Variants in JUP observed in about 807,000 individuals in gnomAD.
The protein encoded by JUP is junction plakoglobin.
JUP carries 28 observed loss-of-function variants against 71.1 expected under a neutral mutation model. The ratio of observed to expected loss-of-function variants is 0.39; its 90% CI spans 0.29 to 0.54. JUP has a LOEUF of 0.54. Ranked by LOEUF, JUP falls within the 20% of genes least tolerant of loss-of-function variation. The pLI, the probability that JUP is intolerant of heterozygous loss-of-function variation, is 0.62. For missense variants in JUP, 869 were observed against 1,030.1 expected, an observed-to-expected ratio of 0.84 and a Z score of 2.14; for synonymous variants, 401 against 438.9, an observed-to-expected ratio of 0.91 and a Z score of 1.08.
chr17:41,784,156 A>G (rs1330781757), intron 1 of JUP, among the ~76,000 whole-genome samples: 1 of 151,878 alleles, frequency 6.6e-6, no homozygotes, highest in Non-Finnish European at 1.5e-5. Context: ...TAGTCAATTG[A>G]CCCATCTCAC....
chr17:41,771,906 GCCCAGCC>G, intron 1 of JUP, 44 bp from the exon 2 acceptor site: 1 of 1,507,462 alleles, frequency 6.6e-7, no homozygotes, highest in South Asian at 1.2e-5. Flanking sequence ...AAGTCACCTG[GCCCAGCC>G]CCCAGCTTCA....
At chr17:41,779,025 T>A in intron 1 of JUP, among the ~76,000 whole-genome samples, 1 of 151,522 alleles carries the variant, frequency 6.6e-6, no homozygotes, top group Non-Finnish European at 1.5e-5. Flanking sequence ...TCACAAGGTC[T>A]GGAGTTTGAA....
intron 1 of JUP, chr17:41,772,270 C>T (rs1597837063): frequency 3.1e-6 from 1 of 326,260 alleles, no homozygotes; most frequent in Non-Finnish European, 6.0e-6. Flanking sequence ...GTCCCCTGGG[C>T]CCACCCTCAA....
intron 9 of JUP, 95 bp downstream of exon 9, chr17:41,758,620 A>G: frequency 6.4e-7 from 1 of 1,571,502 alleles, no homozygotes; most frequent in Non-Finnish European, 8.7e-7. Context: ...TGGAATTGGC[A>G]TCAGTTGCAA....
chr17:41,763,962 T>C (rs1246705480), intron 7 of JUP, among the ~76,000 whole-genome samples: 3 of 152,180 alleles, frequency 2.0e-5, no homozygotes, highest in East Asian at 1.9e-4. Flanking sequence ...CCTGTGACCA[T>C]GGCCATTAGC....
At chr17:41,773,440 C>T (rs1018793887) in intron 1 of JUP, among the ~76,000 whole-genome samples, 1 of 152,218 alleles carries the variant, frequency 6.6e-6, no homozygotes, top group Non-Finnish European at 1.5e-5. Flanking sequence ...CCTCTCCTCC[C>T]GCAATCCCTA....
intron 9 of JUP, 34 bp downstream of exon 9, chr17:41,758,681 G>A (rs1555599650): frequency 1.3e-6 from 2 of 1,595,880 alleles, no homozygotes; most frequent in East Asian, 2.3e-5. Context: ...TGACCCCCCA[G>A]GAAGGCTGTC....
chr17:41,771,539 C>A, intron 2 of JUP, 108 bp downstream of exon 2: 2 of 1,014,992 alleles, frequency 2.0e-6, no homozygotes, highest in East Asian at 2.5e-5. Flanking sequence ...AGCTGTGCCT[C>A]CTCCCTCAGA....
chr17:41,761,307 C>T (rs1042249274), intron 8 of JUP, among the ~76,000 whole-genome samples: 1 of 152,172 alleles, frequency 6.6e-6, no homozygotes, highest in Non-Finnish European at 1.5e-5. Flanking sequence ...CCTCCTTGCA[C>T]CTTGATGTGG....
intron 8 of JUP, among the ~76,000 whole-genome samples, chr17:41,759,263 CG>C (rs1232714619): frequency 2.6e-5 from 4 of 151,948 alleles, no homozygotes; most frequent in Non-Finnish European, 5.9e-5. Context: ...TTAGTAGAGA[CG>C]GGGTTTCGCC....
chr17:41,760,070 C>T (rs969222692), intron 8 of JUP, among the ~76,000 whole-genome samples: 19 of 151,274 alleles, frequency 1.3e-4, no homozygotes, highest in African/African-American at 4.1e-4. Context: ...AGAAATTAGC[C>T]GGGAATTGCT....
chr17:41,757,326 G>T, intron 12 of JUP, 89 bp downstream of exon 12: 1 of 1,363,352 alleles, frequency 7.3e-7, no homozygotes, highest in Non-Finnish European at 1.1e-6. Flanking sequence ...CTATGAAGTT[G>T]ACAGTAGTAG....
At chr17:41,777,172 G>A (rs1395308721) in intron 1 of JUP, among the ~76,000 whole-genome samples, 4 of 152,194 alleles carry the variant, frequency 2.6e-5, no homozygotes, top group African/African-American at 9.7e-5. Context: ...GAGGTCAAGG[G>A]AACATGGCTG....
In JUP at chr17:41,769,537, C is replaced by T; in HGVS notation, c.349G>A (p.Ala117Thr). The change falls in exon 3 of 14, where the codon GCC (alanine) becomes ACC (threonine). Residue 117 changes from alanine to threonine, a missense_variant. Transcript: ENST00000393931. ...EGQATNLQRL[A>T]EPSQLLKSAI... ...GACTTGAGCAGCTGGGACGGCTCGGCCAGTCGCTGCAGGTTGGTGGCCTGC... is the reference window on the plus strand; with the variant it reads ...GACTTGAGCAGCTGGGACGGCTCGGTCAGTCGCTGCAGGTTGGTGGCCTGC... 3 of 1,610,074 alleles carry T rather than the reference C, an allele frequency of 1.9e-6. No individual in the cohort carries two copies. Among genetic ancestry groups the T allele is most frequent in the Non-Finnish European group, 2.5e-6 (3 of 1,178,876 alleles).
chr17:41,766,920 G>A (rs900696015), intron 5 of JUP, among the ~76,000 whole-genome samples: 12 of 151,400 alleles, frequency 7.9e-5, no homozygotes, highest in African/African-American at 1.5e-4. Context: ...GGTAGCACAC[G>A]CCTGAAGTCC....
In JUP at chr17:41,769,192, C is replaced by A. The variant is rs1555605437; in HGVS notation, c.484G>T (p.Ala162Ser). Reference protein sequence around the residue: ...NDEDPVVVTKAAMIVNQLSKK... With the variant: ...NDEDPVVVTKSAMIVNQLSKK... ...GACAGCTGGTTCACAATCATGGCCGCCTTGGTCACCACCACCTGGAGGGCA... is the reference window on the plus strand; with the variant it reads ...GACAGCTGGTTCACAATCATGGCCGACTTGGTCACCACCACCTGGAGGGCA... The change falls in exon 4 of 14, where the codon GCG (alanine) becomes TCG (serine). Residue 162 changes from alanine (A) to serine (S), a missense_variant. Physicochemically the swap from Ala to Ser is moderately conservative, Grantham distance 99. Transcript: ENST00000393931. The A allele has an allele frequency of 1.2e-6, 2 of 1,600,970 alleles. No homozygotes were observed. The highest frequency in any genetic ancestry group is 1.7e-5 in the Admixed American group (1 of 60,030).
chr17:41,764,674 G>A lies in JUP; in HGVS notation c.1158+39C>T, dbSNP rs1555603118. ...CCCAGACAGGAGGCTGGATGGGGCA[G>A]CTGAAGAGGTCAACCCCAGGCCCAG... On this transcript the variant is annotated intron_variant, in intron 7 of 13. Coordinates refer to ENST00000393931, the MANE Select transcript of JUP (RefSeq NM_002230.4). 20 of 1,547,358 alleles carry A rather than the reference G, an allele frequency of 1.3e-5. No individual in the cohort carries two copies. In the African/African-American group the frequency reaches 1.4e-4, roughly 11 times the overall value.
chr17:41,764,670 G>A (rs1915408713), intron 7 of JUP, 43 bp downstream of exon 7: 1 of 1,523,470 alleles, frequency 6.6e-7, no homozygotes, highest in Admixed American at 1.7e-5. Context: ...GGCTGGATGG[G>A]GCAGCTGAAG....
chr17:41,784,320 T>C (rs1447550817), intron 1 of JUP, among the ~76,000 whole-genome samples: 2 of 128,254 alleles, frequency 1.6e-5, no homozygotes, highest in East Asian at 2.5e-4. Context: ...AGGGGTGGAG[T>C]GGGGGTGGGA....
Sources: allele counts gnomAD v4.1 joint callset (sites outside exome capture counted in the v4.1 genomes callset), GRCh38; gene constraint gnomAD v4.1.1; transcripts MANE v1.5; gene names NCBI Gene and HGNC (gene_info 2026-07-23, HGNC 2026-07-21).